The following AGBL1 variants were observed in gnomAD, a reference collection of about 807,000 sequenced individuals.
AGBL1 encodes AGBL carboxypeptidase 1.
A neutral mutation model predicts 118.9 loss-of-function variants in AGBL1; 130 were observed. The observed-to-expected ratio is 1.09, with a 90% confidence interval of 0.95 to 1.26. The LOEUF (loss-of-function observed/expected upper bound fraction) is 1.26, where lower values mean the gene tolerates loss of function less well. AGBL1 is among the 50% of genes most tolerant of loss of function. AGBL1 has a pLI of 0.00. For missense variants in AGBL1, 1,584 were observed against 1,298.1 expected, an observed-to-expected ratio of 1.22 and a Z score of -3.38; for synonymous variants, 555 against 478.9, an observed-to-expected ratio of 1.16 and a Z score of -2.08.
chr15:86,459,023 G>T (rs1367870060), intron 18 of AGBL1, among the ~76,000 whole-genome samples: 3 of 152,052 alleles, frequency 2.0e-5, no homozygotes, highest in African/African-American at 4.8e-5. Context: ...ACATATCCTC[G>T]AATGAACTAC....
At chr15:86,839,984 A>G (rs16978025) in intron 22 of AGBL1, among the ~76,000 whole-genome samples, 4,108 of 152,210 alleles carry the variant, frequency 0.027, 180 homozygotes, top group African/African-American at 0.092. Context: ...CTTATATCTG[A>G]TTGGGCAGAA....
intron 21 of AGBL1, among the ~76,000 whole-genome samples, chr15:86,654,974 C>T (rs2085439719): frequency 6.6e-6 from 1 of 152,098 alleles, no homozygotes; most frequent in African/African-American, 2.4e-5. Flanking sequence ...CTTTTCAGAG[C>T]AGCCTTGCAG....
In AGBL1 at chr15:86,264,761, G is replaced by T. The variant is rs1420788416; in HGVS notation, c.1590G>T (p.Met530Ile). ...RTSSVVDFKM[M>I]AFPDVWGHCP... ...GCTCTGTGGTGGACTTCAAGATGAT[G>T]GCATTTCCTGATGTCTGGGGACACT... is the stretch of plus-strand genomic sequence containing the variant. Residue 530 changes from methionine (M) to isoleucine (I), a missense_variant, in exon 11 of 23, where the codon ATG (methionine) becomes ATT (isoleucine). Coordinates refer to ENST00000614907, the MANE Select transcript of AGBL1 (RefSeq NM_001386094.1). The T allele has an allele frequency of 6.2e-7, 1 of 1,613,916 alleles. No homozygotes were observed. Among genetic ancestry groups the T allele is most frequent in the Non-Finnish European group, 8.5e-7 (1 of 1,179,912 alleles).
At chr15:86,315,706 AG>A (rs2079994658) in intron 17 of AGBL1, among the ~76,000 whole-genome samples, 2 of 129,908 alleles carry the variant, frequency 1.5e-5, no homozygotes, top group African/African-American at 6.2e-5. Context: ...TGACAGAGTG[AG>A]ACTTTTTCTC....
At chr15:86,785,519 C>A (rs1010968281) in intron 22 of AGBL1, among the ~76,000 whole-genome samples, 8 of 151,930 alleles carry the variant, frequency 5.3e-5, no homozygotes, top group Middle Eastern at 6.8e-3. Context: ...GGACTACAGG[C>A]GCACATCACC....
chr15:86,511,584 C>T (rs192835135), intron 18 of AGBL1, among the ~76,000 whole-genome samples: 1 of 152,026 alleles, frequency 6.6e-6, no homozygotes, highest in Non-Finnish European at 1.5e-5. Context: ...ATCTGTAAAT[C>T]TCAACTTTCT....
chr15:86,945,099 GC>G (rs1335123155), intron 23 of AGBL1, among the ~76,000 whole-genome samples: 1 of 151,992 alleles, frequency 6.6e-6, no homozygotes, highest in African/African-American at 2.4e-5. Flanking sequence ...ACAATGTTAT[GC>G]CTGGGTGTGC....
intron 19 of AGBL1, among the ~76,000 whole-genome samples, chr15:86,537,795 A>G (rs2083445824): frequency 6.6e-6 from 1 of 152,136 alleles, no homozygotes; most frequent in African/African-American, 2.4e-5. Flanking sequence ...CCTCATCTCT[A>G]TATTTGGATA....
intron 22 of AGBL1, among the ~76,000 whole-genome samples, chr15:86,855,049 G>A (rs1178013115): frequency 3.3e-5 from 5 of 152,176 alleles, no homozygotes; most frequent in Admixed American, 6.5e-5. Flanking sequence ...TTAAGGGCAC[G>A]CAGAGACAGG....
chr15:86,298,246 A>ATATATATATATAT lies in AGBL1; in HGVS notation c.2374+2838_2374+2839insTATATATATATAT, dbSNP rs1555462936. 1.9e-3 allele frequency among the ~76,000 whole-genome samples: 131 copies of ATATATATATATAT among 69,796 alleles called. 2 individuals are homozygous for ATATATATATATAT. The highest frequency in any genetic ancestry group is 7.6e-3 in the African/African-American group (116 of 15,344). The allele number at this position is 69,796 out of a possible 152,430, so 45.8% of individuals were successfully genotyped here. ...GTATACAGGGTACGTGTCTGTGTATAATATATATATATATATATATATATA... is the reference window on the plus strand; with the variant it reads ...GTATACAGGGTACGTGTCTGTGTATATATATATATATATATATATATATATATATATATATATA... On this transcript the variant is annotated intron_variant, in intron 17 of 22. Transcript: ENST00000614907.
chr15:86,527,194 G>C (rs1173635324), intron 19 of AGBL1, among the ~76,000 whole-genome samples: 1 of 152,152 alleles, frequency 6.6e-6, no homozygotes, highest in East Asian at 1.9e-4. Context: ...CTTCTAAGAG[G>C]AGAGACAGAG....
chr15:86,497,640 A>C (rs1446427979), intron 18 of AGBL1, among the ~76,000 whole-genome samples: 1 of 151,816 alleles, frequency 6.6e-6, no homozygotes, highest in Non-Finnish European at 1.5e-5. Context: ...CATTTTCTGA[A>C]CTGGAGTGGG....
intron 21 of AGBL1, among the ~76,000 whole-genome samples, chr15:86,565,404 C>G (rs951986111): frequency 4.6e-5 from 7 of 152,346 alleles, no homozygotes; most frequent in Admixed American, 4.6e-4. Context: ...CACTCCAGAC[C>G]CTGTTTGCCT....
At position 86,751,252 on chromosome 15, in the gene AGBL1, G is replaced by A. The variant is rs114333231; in HGVS notation, c.3158+76816G>A. On this transcript the variant is annotated intron_variant, in intron 22 of 22. Coordinates refer to ENST00000614907, the MANE Select transcript of AGBL1 (RefSeq NM_001386094.1). ...TTACAGTCCTACCAACAGTGTGTAA[G>A]TGTTCCTTTTTCTTCACAACCTTGC... Among the ~76,000 whole-genome samples the A allele has an allele frequency of 2.9e-3, 440 of 152,202 alleles. 2 individuals carry two copies. The highest frequency in any genetic ancestry group is 9.9e-3 in the African/African-American group (413 of 41,542).
rs1317823931 is a variant in AGBL1, at chr15:86,629,555, A to G, written c.2995-44718A>G. The stretch of plus-strand genomic sequence containing the variant: ...AATAAAATAACGCACCCTTTGAATC[A>G]TACATAGGTATGTAATTTGCTTCCA... On this transcript the variant is annotated intron_variant, in intron 21 of 22. Transcript: ENST00000614907. Among the ~76,000 whole-genome samples, 6 of 152,344 alleles carry G rather than the reference A, an allele frequency of 3.9e-5. No individual in the cohort carries two copies. The East Asian group carries it at 1.2e-3, about 29-fold the overall frequency.
At chr15:86,590,304 T>A (rs1432361014) in intron 21 of AGBL1, among the ~76,000 whole-genome samples, 2 of 152,136 alleles carry the variant, frequency 1.3e-5, no homozygotes, top group Non-Finnish European at 2.9e-5. Context: ...AGACACCCTG[T>A]GGGAGGTAAT....
intron 24 of AGBL1, among the ~76,000 whole-genome samples, chr15:87,018,787 G>A (rs2081632990): frequency 6.6e-6 from 1 of 152,102 alleles, no homozygotes; most frequent in African/African-American, 2.4e-5. Context: ...AAGCTTAAAT[G>A]TTAATAGGCA....
At chr15:86,699,011 C>G (rs1321376008) in intron 22 of AGBL1, among the ~76,000 whole-genome samples, 1 of 151,892 alleles carries the variant, frequency 6.6e-6, no homozygotes, top group Non-Finnish European at 1.5e-5. Context: ...ACTTTCTTTT[C>G]AAATAATAAA....
chr15:86,559,614 C>G (rs577929357), intron 21 of AGBL1, among the ~76,000 whole-genome samples: 2 of 152,106 alleles, frequency 1.3e-5, no homozygotes, highest in Admixed American at 1.3e-4. Context: ...TGTGCTAAGC[C>G]CTTTACATAT....
Sources: allele counts gnomAD v4.1 joint callset (sites outside exome capture counted in the v4.1 genomes callset), GRCh38; gene constraint gnomAD v4.1.1; transcripts MANE v1.5; gene names NCBI Gene and HGNC (gene_info 2026-07-23, HGNC 2026-07-21).